The following EZR variants were observed in gnomAD, a reference collection of about 807,000 sequenced individuals.
The protein encoded by EZR is ezrin, also known as cytovillin 2.
In EZR, 40 loss-of-function variants were observed where a neutral mutation model predicts 74.8. The observed-to-expected ratio is 0.53, with a 90% CI of 0.42 to 0.70. The LOEUF (loss-of-function observed/expected upper bound fraction) is 0.70. Ranked by LOEUF, EZR falls within the 30% of genes least tolerant of loss-of-function variation. The pLI, the probability that EZR is intolerant of heterozygous loss-of-function variation, is 0.00. For missense variants in EZR, 678 were observed against 755.8 expected (o/e 0.90, Z 1.21); for synonymous variants, 341 against 283.3 (o/e 1.20, Z -2.05).
chr6:158,791,230 A>G (rs1051996110), intron 2 of EZR, among the ~76,000 whole-genome samples: 2 of 152,220 alleles, frequency 1.3e-5, no homozygotes, highest in Non-Finnish European at 2.9e-5. Flanking sequence ...AGTTTTCTCC[A>G]CAATCCCCAA....
chr6:158,783,738 T>C, intron 6 of EZR, 72 bp from the exon 7 acceptor site: 5 of 1,503,756 alleles, frequency 3.3e-6, no homozygotes, highest in South Asian at 1.2e-5. Flanking sequence ...ACCTTTCCAG[T>C]ATTTTTAAAT....
intron 1 of EZR, among the ~76,000 whole-genome samples, chr6:158,818,422 C>T (rs1777613122): frequency 6.6e-6 from 1 of 150,700 alleles, no homozygotes; most frequent in Non-Finnish European, 1.5e-5. Context: ...CTGGAGGTGC[C>T]CCCCAGTTGG....
At chr6:158,795,276 A>AATAC (rs1777043747) in intron 2 of EZR, among the ~76,000 whole-genome samples, 1 of 151,720 alleles carries the variant, frequency 6.6e-6, no homozygotes, top group African/African-American at 2.4e-5. Flanking sequence ...TAAATAAATA[A>AATAC]ATAATTCTAT....
At chr6:158,817,547 C>T (rs541384534) in intron 2 of EZR, among the ~76,000 whole-genome samples, 4 of 152,238 alleles carry the variant, frequency 2.6e-5, no homozygotes, top group Admixed American at 6.5e-5. Flanking sequence ...AGCAAGTTTG[C>T]TGGTGTACAG....
At chr6:158,769,495 G>T (rs1791028094) in intron 11 of EZR, 77 bp from the exon 12 acceptor site, 1 of 1,432,294 alleles carries the variant, frequency 7.0e-7, no homozygotes, top group Non-Finnish European at 9.7e-7. Context: ...GTGTTCATGT[G>T]TGTTGGCAAG....
intron 2 of EZR, among the ~76,000 whole-genome samples, chr6:158,813,029 C>T (rs993271133): frequency 6.6e-6 from 1 of 152,188 alleles, no homozygotes; most frequent in Admixed American, 6.5e-5. Context: ...AGATCACAGT[C>T]AACTTTTCAA....
chr6:158,771,196 T>A, intron 9 of EZR, 48 bp downstream of exon 9: 1 of 1,560,450 alleles, frequency 6.4e-7, no homozygotes, highest in Non-Finnish European at 8.7e-7. Flanking sequence ...TGCCAGTGGC[T>A]GAGTTGGGAG....
Position 158,815,146 on chromosome 6 carries a change from T to C in EZR, c.12+2936A>G, listed in dbSNP as rs1777528412. 2.6e-5 allele frequency among the ~76,000 whole-genome samples: 4 copies of C among 152,292 alleles called. 1 individual carries two copies. Among genetic ancestry groups the C allele is most frequent in the African/African-American group, 7.2e-5 (3 of 41,544 alleles). ...CATTCTTAACTTAGGCTTGAATAATTAGAATCAATAAACCTTTGTTTAAAG... is the reference window on the plus strand; with the variant it reads ...CATTCTTAACTTAGGCTTGAATAATCAGAATCAATAAACCTTTGTTTAAAG... On this transcript the variant is annotated intron_variant, in intron 2 of 13. Transcript: ENST00000367075.
chr6:158,786,673 G>C (rs544570095), intron 4 of EZR, among the ~76,000 whole-genome samples: 2 of 151,242 alleles, frequency 1.3e-5, no homozygotes, highest in Non-Finnish European at 2.9e-5. Context: ...AAAAAAAAAG[G>C]ATAATTTTCA....
chr6:158,774,672 A>AACACACACACACACAC (rs56400693), intron 8 of EZR, among the ~76,000 whole-genome samples: 40 of 142,516 alleles, frequency 2.8e-4, no homozygotes, highest in East Asian at 1.3e-3. Context: ...CTTATCATCA[A>AACACACACACACACAC]ACACACACAC....
At chr6:158,788,903 G>T (rs3127220) in intron 3 of EZR, among the ~76,000 whole-genome samples, 79,081 of 152,046 alleles carry the variant, frequency 0.52, 21,571 homozygotes, top group Non-Finnish European at 0.61. Context: ...GTTCTACTCT[G>T]GAGGTGGAGG....
intron 2 of EZR, among the ~76,000 whole-genome samples, chr6:158,796,035 C>T (rs564333882): frequency 2.0e-5 from 3 of 152,204 alleles, no homozygotes; most frequent in Admixed American, 2.0e-4. Flanking sequence ...CCAGTGCCAT[C>T]GGACAGTAGA....
chr6:158,768,541 G>A (rs2128563822), intron 12 of EZR, among the ~76,000 whole-genome samples: 1 of 152,252 alleles, frequency 6.6e-6, no homozygotes, highest in African/African-American at 2.4e-5. Context: ...GGGAAGGACG[G>A]GCCAGCGGGT....
chr6:158,783,719 A>T, intron 6 of EZR, 53 bp from the exon 7 acceptor site: 2 of 1,565,148 alleles, frequency 1.3e-6, no homozygotes, highest in Non-Finnish European at 1.7e-6. Context: ...CAATATCTAG[A>T]ACAGTAAAAC....
At chr6:158,804,768 T>A (rs1036042395) in intron 2 of EZR, among the ~76,000 whole-genome samples, 1 of 149,728 alleles carries the variant, frequency 6.7e-6, no homozygotes, top group African/African-American at 2.5e-5. Flanking sequence ...TTTTTCTTAT[T>A]TTTTTTTATT....
intron 2 of EZR, among the ~76,000 whole-genome samples, chr6:158,798,631 T>G (rs1176312163): frequency 6.0e-5 from 9 of 149,470 alleles, no homozygotes; most frequent in Admixed American, 1.3e-4. Context: ...GCTTTTTTTT[T>G]TTTTTTTTTT....
At chr6:158,796,080 G>A (rs191697818) in intron 2 of EZR, among the ~76,000 whole-genome samples, 1 of 152,284 alleles carries the variant, frequency 6.6e-6, no homozygotes, top group Non-Finnish European at 1.5e-5. Flanking sequence ...TCCCTCCTTA[G>A]GGGACACATG....
At chr6:158,817,571 G>A (rs551033176) in intron 2 of EZR, among the ~76,000 whole-genome samples, 23 of 152,290 alleles carry the variant, frequency 1.5e-4, no homozygotes, top group Non-Finnish European at 2.9e-4. Flanking sequence ...ACCGCTTCAT[G>A]GGCCTAGTAG....
At chr6:158,781,003 G>A (rs1312176167) in intron 7 of EZR, among the ~76,000 whole-genome samples, 1 of 152,202 alleles carries the variant, frequency 6.6e-6, no homozygotes, top group Non-Finnish European at 1.5e-5. Context: ...TACTAAAACA[G>A]GTGTTTTAAT....
Sources: allele counts gnomAD v4.1 joint callset (sites outside exome capture counted in the v4.1 genomes callset), GRCh38; gene constraint gnomAD v4.1.1; transcripts MANE v1.5; gene names NCBI Gene and HGNC (gene_info 2026-07-23, HGNC 2026-07-21).